CTNNA3: variants seen among roughly 807,000 people sequenced by gnomAD.
CTNNA3 encodes catenin alpha-3.
CTNNA3 carries 76 observed loss-of-function variants against 95.7 expected under a neutral mutation model. That is an observed-to-expected ratio of 0.79 (90% CI 0.66 to 0.96). CTNNA3 has a LOEUF of 0.96. Ranked by LOEUF, CTNNA3 falls within the 40% of genes least tolerant of loss-of-function variation. CTNNA3 has a pLI of 0.00. For missense variants in CTNNA3, 1,191 were observed against 1,089.8 expected (o/e 1.09, Z -1.31); for synonymous variants, 431 against 374.4 (o/e 1.15, Z -1.74).
At chr10:66,305,313 T>C (rs2091917091) in intron 12 of CTNNA3, among the ~76,000 whole-genome samples, 2 of 152,196 alleles carry the variant, frequency 1.3e-5, no homozygotes, top group African/African-American at 4.8e-5. Flanking sequence ...CTTCTTTTGC[T>C]GATTTCTATA....
chr10:67,129,567 T>C (rs1014142654), intron 7 of CTNNA3, among the ~76,000 whole-genome samples: 1 of 152,122 alleles, frequency 6.6e-6, no homozygotes, highest in Admixed American at 6.6e-5. Context: ...CATACAATAA[T>C]GACACATGAA....
chr10:66,955,500 G>C (rs765056631), intron 7 of CTNNA3, among the ~76,000 whole-genome samples: 20 of 152,128 alleles, frequency 1.3e-4, no homozygotes, highest in Admixed American at 5.9e-4. Context: ...AGTCGAGGGA[G>C]ACAGAATTCA....
intron 10 of CTNNA3, among the ~76,000 whole-genome samples, chr10:66,599,065 G>C (rs1011103514): frequency 6.6e-6 from 1 of 152,046 alleles, no homozygotes; most frequent in African/African-American, 2.4e-5. Flanking sequence ...CAATGGAATA[G>C]ATTAGAGACC....
intron 11 of CTNNA3, among the ~76,000 whole-genome samples, chr10:66,451,125 A>T (rs1179149471): frequency 6.6e-6 from 1 of 152,110 alleles, no homozygotes; most frequent in Non-Finnish European, 1.5e-5. Context: ...AGTGAAGGCA[A>T]TTGCCTTCGT....
intron 5 of CTNNA3, among the ~76,000 whole-genome samples, chr10:67,235,347 A>G (rs374606342): frequency 0.035 from 5,381 of 152,200 alleles, 189 homozygotes; most frequent in South Asian, 0.18. Flanking sequence ...CAGAACCCTC[A>G]GAAATAATGC....
intron 5 of CTNNA3, among the ~76,000 whole-genome samples, chr10:67,494,314 T>C (rs1838956764): frequency 6.6e-6 from 1 of 152,228 alleles, no homozygotes. Context: ...AAACTCCCAC[T>C]GGTTTAATTT....
At chr10:66,841,693 A>G (rs1319498219) in intron 7 of CTNNA3, among the ~76,000 whole-genome samples, 3 of 152,198 alleles carry the variant, frequency 2.0e-5, no homozygotes, top group South Asian at 2.1e-4. Context: ...AGCATTCTCT[A>G]TGTAATGAGT....
intron 11 of CTNNA3, among the ~76,000 whole-genome samples, chr10:66,404,473 G>A (rs962673399): frequency 4.6e-5 from 7 of 152,274 alleles, no homozygotes; most frequent in African/African-American, 1.7e-4. Flanking sequence ...ATTCTATTGT[G>A]TGCTGGGCAC....
chr10:66,199,805 A>ATATGTGTATATATATATATTTTTTT (rs1564756586), intron 13 of CTNNA3, among the ~76,000 whole-genome samples: 1 of 14,292 alleles, frequency 7.0e-5, no homozygotes, highest in Non-Finnish European at 1.1e-4. Context: ...ATATATATAT[A>ATATGTGTATATATATATATTTTTTT]TTTTTTTTTT....
intron 9 of CTNNA3, among the ~76,000 whole-genome samples, chr10:66,723,527 C>G (rs939609032): frequency 5.9e-5 from 9 of 152,204 alleles, no homozygotes; most frequent in Admixed American, 4.6e-4. Flanking sequence ...GTTCACTGCA[C>G]AGCACATTCT....
chr10:66,430,275 C>T (rs529056836), intron 11 of CTNNA3, among the ~76,000 whole-genome samples: 3 of 152,194 alleles, frequency 2.0e-5, no homozygotes, highest in East Asian at 3.9e-4. Flanking sequence ...AATGGAAGAA[C>T]ATTCCATGCT....
At chr10:67,048,571 T>C (rs985872754) in intron 7 of CTNNA3, among the ~76,000 whole-genome samples, 4 of 152,086 alleles carry the variant, frequency 2.6e-5, no homozygotes, top group African/African-American at 4.8e-5. Flanking sequence ...AGGACTATTA[T>C]ATACATTATC....
chr10:66,924,333 T>C (rs1331575586), intron 7 of CTNNA3, among the ~76,000 whole-genome samples: 2 of 152,310 alleles, frequency 1.3e-5, no homozygotes, highest in South Asian at 2.1e-4. Flanking sequence ...CCTTGGAGAA[T>C]GTGAAAGCTC....
intron 13 of CTNNA3, among the ~76,000 whole-genome samples, chr10:66,109,600 A>G (rs2082041305): frequency 6.6e-6 from 1 of 152,202 alleles, no homozygotes; most frequent in African/African-American, 2.4e-5. Context: ...AAGGCCCAAG[A>G]ATGACTATAT....
intron 7 of CTNNA3, among the ~76,000 whole-genome samples, chr10:67,080,890 G>GAGAGC (rs1329576047): frequency 6.7e-6 from 1 of 149,314 alleles, no homozygotes; most frequent in African/African-American, 2.5e-5. Flanking sequence ...GCCTGGGCGA[G>GAGAGC]AGAGCGAGAC....
At chr10:66,438,907 C>A (rs936813840) in intron 11 of CTNNA3, among the ~76,000 whole-genome samples, 2 of 152,138 alleles carry the variant, frequency 1.3e-5, no homozygotes, top group African/African-American at 4.8e-5. Flanking sequence ...CACTGTTCCT[C>A]AAGGCACAGT....
intron 12 of CTNNA3, among the ~76,000 whole-genome samples, chr10:66,360,658 TCTTCCTTCCTTC>T (rs367718579): frequency 0.016 from 779 of 48,812 alleles, 31 homozygotes; most frequent in African/African-American, 0.022. Context: ...TTTCTTTCTT[TCTTCCTTCCTTC>T]CTTCCTTCCT....
chr10:66,845,366 G>A (rs945305608), intron 7 of CTNNA3, among the ~76,000 whole-genome samples: 2 of 152,114 alleles, frequency 1.3e-5, no homozygotes, highest in African/African-American at 4.8e-5. Flanking sequence ...AAGATACCAA[G>A]TGTTGGCAAA....
chr10:66,395,131 A>G (rs2092965652), intron 11 of CTNNA3, among the ~76,000 whole-genome samples: 1 of 152,090 alleles, frequency 6.6e-6, no homozygotes, highest in African/African-American at 2.4e-5. Context: ...GAAGACTATT[A>G]GTAGATATAC....
Sources: allele counts gnomAD v4.1 joint callset (sites outside exome capture counted in the v4.1 genomes callset), GRCh38; gene constraint gnomAD v4.1.1; transcripts MANE v1.5; gene names NCBI Gene and HGNC (gene_info 2026-07-23, HGNC 2026-07-21).